The following PLCE1 variants were observed in gnomAD, a reference collection of about 807,000 sequenced individuals.
The protein encoded by PLCE1 is 1-phosphatidylinositol 4,5-bisphosphate phosphodiesterase epsilon-1.
Under a neutral mutation model 242.8 loss-of-function variants are expected in PLCE1, and 119 were observed. The observed-to-expected ratio is 0.49, with a 90% CI of 0.42 to 0.57. PLCE1 has a LOEUF of 0.57. PLCE1 is among the 20% of genes least tolerant of loss of function. The pLI, the probability that PLCE1 is intolerant of heterozygous loss-of-function variation, is 0.00. For synonymous variants in PLCE1, 945 were observed against 1,017.4 expected (o/e 0.93, Z 1.35); for missense variants, 2,441 against 2,788.8 (o/e 0.88, Z 2.81).
At chr10:94,054,172 A>G (rs571547497) in intron 2 of PLCE1, among the ~76,000 whole-genome samples, 106 of 152,230 alleles carry the variant, frequency 7.0e-4, no homozygotes, top group Middle Eastern at 3.4e-3. Flanking sequence ...AGAGCCCCTC[A>G]TTTCTCTAGT....
chr10:94,273,725 T>TC lies in PLCE1; in HGVS notation c.4665+9dup. ...GTGGATATCTTAAAGCAAAAGGTAC[T>TC]CCCCTCTGTTAAACCAGTTATGAAA... On this transcript the variant is annotated splice_donor_region_variant and intron_variant, in intron 19 of 32. Transcript: ENST00000371380. 1 of 1,613,030 alleles carries TC rather than the reference T, an allele frequency of 6.2e-7. No homozygotes were observed. The highest frequency in any genetic ancestry group is 1.1e-5 in the South Asian group (1 of 91,066).
intron 2 of PLCE1, among the ~76,000 whole-genome samples, chr10:94,040,670 C>G (rs1361103018): frequency 6.6e-5 from 10 of 152,150 alleles, no homozygotes; most frequent in Admixed American, 6.5e-4. Flanking sequence ...CCACTCTAGT[C>G]CTAGCCTTGG....
chr10:94,138,474 C>A, intron 3 of PLCE1: 1 of 443,716 alleles, frequency 2.3e-6, no homozygotes, highest in Non-Finnish European at 4.4e-6. Flanking sequence ...TCCTGTGAGG[C>A]CATTTTCAAG....
At chr10:94,119,008 T>C (rs886272044) in intron 2 of PLCE1, among the ~76,000 whole-genome samples, 2 of 152,218 alleles carry the variant, frequency 1.3e-5, no homozygotes, top group African/African-American at 4.8e-5. Context: ...TATAAGATGT[T>C]CCATCTCTTT....
intron 4 of PLCE1, among the ~76,000 whole-genome samples, chr10:94,187,062 ATAATAAT>A (rs907165370): frequency 1.0e-3 from 157 of 152,274 alleles, no homozygotes; most frequent in African/African-American, 3.6e-3. Context: ...TAAAAAAATG[ATAATAAT>A]TAATAAGTAA....
At chr10:94,314,474 G>T (rs1353288561) in intron 28 of PLCE1, among the ~76,000 whole-genome samples, 2 of 152,086 alleles carry the variant, frequency 1.3e-5, no homozygotes, top group African/African-American at 4.8e-5. Context: ...CACATCTGTA[G>T]TCCCAGCTAC....
intron 3 of PLCE1, among the ~76,000 whole-genome samples, chr10:94,162,525 G>A (rs375390744): frequency 5.1e-4 from 77 of 151,994 alleles, no homozygotes; most frequent in East Asian, 1.5e-3. Flanking sequence ...TTTTTATTGC[G>A]TCTATTTGAT....
intron 2 of PLCE1, among the ~76,000 whole-genome samples, chr10:94,064,977 A>G (rs2044158790): frequency 1.3e-5 from 2 of 152,166 alleles, no homozygotes; most frequent in Non-Finnish European, 2.9e-5. Context: ...TCTTTGTTCT[A>G]AACTCAAGAG....
At chr10:94,043,924 A>C (rs576594968) in intron 2 of PLCE1, among the ~76,000 whole-genome samples, 21 of 152,216 alleles carry the variant, frequency 1.4e-4, no homozygotes, top group Non-Finnish European at 2.4e-4. Flanking sequence ...AGAATATTTG[A>C]AATTGAGACT....
intron 16 of PLCE1, 77 bp downstream of exon 16, chr10:94,266,035 G>T: frequency 2.2e-6 from 3 of 1,350,838 alleles, no homozygotes; most frequent in South Asian, 2.4e-5. Context: ...AAAAAAACCT[G>T]ACCCCAGACT....
At chr10:94,180,708 T>A (rs929573720) in intron 4 of PLCE1, among the ~76,000 whole-genome samples, 2 of 152,174 alleles carry the variant, frequency 1.3e-5, no homozygotes, top group Non-Finnish European at 2.9e-5. Flanking sequence ...GGATTAAGAG[T>A]TGGGACCTCT....
At chr10:94,079,322 C>T (rs2044591269) in intron 2 of PLCE1, among the ~76,000 whole-genome samples, 2 of 152,164 alleles carry the variant, frequency 1.3e-5, no homozygotes, top group South Asian at 4.1e-4. Flanking sequence ...AATGTCCTCT[C>T]TGGAGCCTGG....
At chr10:94,089,995 T>A (rs1269205270) in intron 2 of PLCE1, among the ~76,000 whole-genome samples, 1 of 152,150 alleles carries the variant, frequency 6.6e-6, no homozygotes, top group African/African-American at 2.4e-5. Flanking sequence ...TTTTAAAAAA[T>A]TTTCAGTGTA....
chr10:94,115,021 G>A (rs1425097148), intron 2 of PLCE1, among the ~76,000 whole-genome samples: 1 of 151,576 alleles, frequency 6.6e-6, no homozygotes, highest in East Asian at 2.0e-4. Context: ...TGCGATGTTT[G>A]GTTTTTTGTC....
chr10:94,146,269 T>C (rs933627843), intron 3 of PLCE1, among the ~76,000 whole-genome samples: 7 of 152,132 alleles, frequency 4.6e-5, no homozygotes, highest in Non-Finnish European at 1.0e-4. Context: ...TTAGTTTTCA[T>C]TGGCATGAGA....
chr10:94,216,543 G>A (rs2049535690), intron 4 of PLCE1, among the ~76,000 whole-genome samples: 1 of 152,130 alleles, frequency 6.6e-6, no homozygotes, highest in Admixed American at 6.5e-5. Context: ...AGCAGCTTGG[G>A]GTGAGGTTTA....
chr10:94,177,903 C>A (rs2048174594), intron 4 of PLCE1, among the ~76,000 whole-genome samples: 1 of 152,206 alleles, frequency 6.6e-6, no homozygotes, highest in African/African-American at 2.4e-5. Flanking sequence ...CACTACCTCT[C>A]CCCTCTTTCC....
chr10:94,230,276 A>C (rs948730039), intron 5 of PLCE1, among the ~76,000 whole-genome samples: 2 of 152,236 alleles, frequency 1.3e-5, no homozygotes, highest in African/African-American at 4.8e-5. Context: ...ATAATATGCT[A>C]TATCCAGGTA....
chr10:94,219,683 G>A (rs1465548551), intron 4 of PLCE1, among the ~76,000 whole-genome samples: 1 of 152,066 alleles, frequency 6.6e-6, no homozygotes, highest in Non-Finnish European at 1.5e-5. Context: ...CCTACACAAG[G>A]AATCAGATTG....
Sources: gnomAD v4.1 joint callset for allele counts (sites outside exome capture counted in the v4.1 genomes callset) on GRCh38, gnomAD v4.1.1 for gene constraint, MANE v1.5 for transcripts, NCBI Gene and HGNC (gene_info 2026-07-23, HGNC 2026-07-21) for gene names.